Variants in TMPRSS11E observed in about 807,000 individuals in gnomAD.
TMPRSS11E encodes transmembrane protease serine 11E.
Under a neutral mutation model 48.1 loss-of-function variants are expected in TMPRSS11E, and 38 were observed. The ratio of observed to expected loss-of-function variants is 0.79; its 90% CI spans 0.61 to 1.04. TMPRSS11E has a LOEUF of 1.04. TMPRSS11E is among the 50% of genes least tolerant of loss of function. The probability of loss-of-function intolerance (pLI) is 0.00; values close to 1 mark genes in which losing one functional copy is unlikely to be tolerated. For synonymous variants in TMPRSS11E, 158 were observed against 171.9 expected (o/e 0.92, Z 0.63); for missense variants, 530 against 510.8 (o/e 1.04, Z -0.36).
chr4:68,471,875 A>G (rs996048812), intron 5 of TMPRSS11E, among the ~76,000 whole-genome samples: 3 of 151,886 alleles, frequency 2.0e-5, no homozygotes, highest in African/African-American at 7.2e-5. Flanking sequence ...TAGTTTGGCT[A>G]TAGAATCCAA....
rs1411627545 is a variant in TMPRSS11E at position 68,477,594 on chromosome 4, GT to G, written c.936del (p.Phe312LeufsTer2). On this transcript the variant is annotated frameshift_variant, in exon 8 of 10. Coordinates refer to ENST00000305363, the MANE Select transcript of TMPRSS11E (RefSeq NM_014058.4). LOFTEE classifies it high-confidence loss of function. ...SYEFQPGDVM[F>X]VTGFGALKND... ...ATGAGTTTCAACCAGGTGATGTGAT[GT>G]TTGTGACAGGATTTGGAGCACTGAA... The G allele has an allele frequency of 6.2e-7, 1 of 1,613,846 alleles. No individual in the cohort carries two copies. Among genetic ancestry groups the G allele is most frequent in the Admixed American group, 1.7e-5 (1 of 59,970 alleles).
At chr4:68,476,813 T>C (rs1315452585) in intron 7 of TMPRSS11E, among the ~76,000 whole-genome samples, 1 of 152,062 alleles carries the variant, frequency 6.6e-6, no homozygotes, top group African/African-American at 2.4e-5. Context: ...AAATTTCACA[T>C]GGTAAGAAAA....
rs1729272829 is a variant in TMPRSS11E at position 68,477,763 on chromosome 4, A to G, written c.967+135A>G. On this transcript the variant is annotated intron_variant, in intron 8 of 9. Transcript: ENST00000305363. ...GGACCAAGTCAGGCCCTAAAAGTGA[A>G]GTAAATAACTTGGAAGGCACAAAAA... The G allele has an allele frequency of 2.7e-6, 3 of 1,129,200 alleles. No homozygotes were observed. In the Admixed American group the frequency reaches 6.9e-5, roughly 26 times the overall value. The allele number at this position is 1,129,200 out of a possible 1,614,324, so 69.9% of individuals were successfully genotyped here.
At chr4:68,475,320 T>G (rs1729180778) in intron 6 of TMPRSS11E, among the ~76,000 whole-genome samples, 1 of 152,066 alleles carries the variant, frequency 6.6e-6, no homozygotes, top group East Asian at 1.9e-4. Flanking sequence ...GGCCTAGCAT[T>G]TTTCTTCGCC....
chr4:68,482,590 CAAAAAAAA>C (rs371144994), intron 9 of TMPRSS11E, among the ~76,000 whole-genome samples: 21,760 of 102,408 alleles, frequency 0.21, 1,445 homozygotes, highest in Middle Eastern at 0.34. Flanking sequence ...TGCATCTCCA[CAAAAAAAA>C]AAAAAAAAAA....
chr4:68,489,608 C>A (rs1729658786), intron 9 of TMPRSS11E, among the ~76,000 whole-genome samples: 1 of 152,196 alleles, frequency 6.6e-6, no homozygotes, highest in African/African-American at 2.4e-5. Flanking sequence ...TGAGTGCATG[C>A]TGGTGGGCGC....
In TMPRSS11E at chr4:68,483,999, ACT is replaced by A. The variant is rs1479749700; in HGVS notation, c.1110+5009_1110+5010del. Among the ~76,000 whole-genome samples, 5 of 151,756 alleles carry A rather than the reference ACT, an allele frequency of 3.3e-5. No individual in the cohort carries two copies. The East Asian group carries it at 9.8e-4, about 30-fold the overall frequency. The stretch of plus-strand genomic sequence containing the variant: ...TTTGGTTCCATTGATCTATGTGTCT[ACT>A]TTTTTTGTACTAGCACCATGATCTT... On this transcript the variant is annotated intron_variant, in intron 9 of 9. Transcript: ENST00000305363.
chr4:68,489,157 T>C (rs1174958010), intron 9 of TMPRSS11E, among the ~76,000 whole-genome samples: 1 of 152,158 alleles, frequency 6.6e-6, no homozygotes, highest in Non-Finnish European at 1.5e-5. Context: ...TTGATGCCTT[T>C]TGTGGTTTGA....
chr4:68,475,737 C>A (rs1365601426), intron 6 of TMPRSS11E, among the ~76,000 whole-genome samples: 1 of 152,134 alleles, frequency 6.6e-6, no homozygotes, highest in Admixed American at 6.6e-5. Context: ...GCATTTTTGT[C>A]ATGAATATAG....
chr4:68,486,956 TG>T (rs1255565564), intron 9 of TMPRSS11E, among the ~76,000 whole-genome samples: 2 of 152,202 alleles, frequency 1.3e-5, no homozygotes, highest in African/African-American at 4.8e-5. Flanking sequence ...TGTTCTTTTT[TG>T]TTTTTCATTT....
Position 68,474,017 on chromosome 4 carries a change from A to G in TMPRSS11E, c.491-706A>G, listed in dbSNP as rs140989609. Among the ~76,000 whole-genome samples, 1,335 of 152,210 alleles carry G rather than the reference A, an allele frequency of 8.8e-3. 22 individuals are homozygous for G. The highest frequency in any genetic ancestry group is 7.2e-3 in the Non-Finnish European group (489 of 67,996). ...AGCATCCATCCTTCCATGTACAAAGAATAGTTTTGGTCATTAGAACTCTGC... is the reference window on the plus strand; with the variant it reads ...AGCATCCATCCTTCCATGTACAAAGGATAGTTTTGGTCATTAGAACTCTGC... On this transcript the variant is annotated intron_variant, in intron 5 of 9. Transcript: ENST00000305363.
At chr4:68,494,938 G>T (rs1271485059) in intron 9 of TMPRSS11E, among the ~76,000 whole-genome samples, 1 of 152,118 alleles carries the variant, frequency 6.6e-6, no homozygotes, top group African/African-American at 2.4e-5. Context: ...GGGAGTTTTG[G>T]GTACAGGCAC....
At chr4:68,480,186 A>G (rs977618952) in intron 9 of TMPRSS11E, among the ~76,000 whole-genome samples, 1 of 149,070 alleles carries the variant, frequency 6.7e-6, no homozygotes, top group African/African-American at 2.4e-5. Context: ...AGTTTGAGAA[A>G]TTTTTGGTCA....
chr4:68,475,552 A>G (rs569698800), intron 6 of TMPRSS11E, among the ~76,000 whole-genome samples: 1 of 152,366 alleles, frequency 6.6e-6, no homozygotes, highest in South Asian at 2.1e-4. Flanking sequence ...ACCATGTGCT[A>G]GCACTGTGTT....
chr4:68,458,569 G>A lies in TMPRSS11E; in HGVS notation c.12-3252G>A, dbSNP rs143639732. Among the ~76,000 whole-genome samples the A allele has an allele frequency of 1.3e-3, 205 of 152,200 alleles. 1 individual carries two copies. Among genetic ancestry groups the A allele is most frequent in the African/African-American group, 4.5e-3 (185 of 41,542 alleles). ...GACAAGTGTTTATGTATGTTCAGGA[G>A]GAGGTTAATTATACAAACGTCTGTT... On this transcript the variant is annotated intron_variant, in intron 1 of 9. Transcript: ENST00000305363.
chr4:68,470,866 G>A (rs1489739443), intron 4 of TMPRSS11E, among the ~76,000 whole-genome samples: 1 of 151,920 alleles, frequency 6.6e-6, no homozygotes, highest in Non-Finnish European at 1.5e-5. Context: ...TTTAGGATTA[G>A]GAGTTGTTTA....
intron 1 of TMPRSS11E, 80 bp from the exon 2 acceptor site, chr4:68,461,741 C>T (rs952830599): frequency 1.3e-6 from 2 of 1,593,538 alleles, no homozygotes; most frequent in Admixed American, 1.7e-5. Context: ...GTCCTTTATT[C>T]CCCCAAAATA....
At chr4:68,474,074 G>A (rs181135368) in intron 5 of TMPRSS11E, among the ~76,000 whole-genome samples, 1 of 152,234 alleles carries the variant, frequency 6.6e-6, no homozygotes, top group East Asian at 1.9e-4. Context: ...AGAGTTTTAT[G>A]TATCTATTAG....
chr4:68,471,928 G>A (rs1456073889), intron 5 of TMPRSS11E, among the ~76,000 whole-genome samples: 1 of 151,660 alleles, frequency 6.6e-6, no homozygotes, highest in African/African-American at 2.4e-5. Flanking sequence ...TCTTTTTCTT[G>A]TTGCTTTCAT....
Sources: gnomAD v4.1 joint callset for allele counts (sites outside exome capture counted in the v4.1 genomes callset) on GRCh38, gnomAD v4.1.1 for gene constraint, MANE v1.5 for transcripts, NCBI Gene and HGNC (gene_info 2026-07-23, HGNC 2026-07-21) for gene names.